Variants in TBC1D32 observed in about 807,000 individuals in gnomAD.
TBC1D32 encodes the protein TBC1 domain family member 32.
TBC1D32 carries 151 observed loss-of-function variants against 170.3 expected under a neutral mutation model. The ratio of observed to expected loss-of-function variants is 0.89; its 90% confidence interval spans 0.78 to 1.01. The LOEUF is 1.01. TBC1D32 is among the 50% of genes least tolerant of loss of function. TBC1D32 has a pLI of 0.00. For missense variants in TBC1D32, 1,464 were observed against 1,457.1 expected (o/e 1.00, Z -0.08); for synonymous variants, 498 against 488.0 (o/e 1.02, Z -0.27).
chr6:121,331,809 T>C (rs771159014), intron 1 of TBC1D32, among the ~76,000 whole-genome samples: 4 of 152,148 alleles, frequency 2.6e-5, no homozygotes, highest in Non-Finnish European at 5.9e-5. Context: ...GTTAAGCAGC[T>C]CCTCTTTTCC....
chr6:121,114,616 T>C (rs577864195), intron 27 of TBC1D32, among the ~76,000 whole-genome samples: 1 of 152,158 alleles, frequency 6.6e-6, no homozygotes, highest in Admixed American at 6.5e-5. Context: ...TTTTTAAAAT[T>C]TGATTCTGAA....
intron 1 of TBC1D32, among the ~76,000 whole-genome samples, chr6:121,330,471 CAT>C (rs1285349673): frequency 6.6e-6 from 1 of 152,184 alleles, no homozygotes; most frequent in Non-Finnish European, 1.5e-5. Context: ...GTATCAAAAA[CAT>C]ATCAAGTGAG....
chr6:121,115,042 T>C (rs1779556186), intron 27 of TBC1D32, 130 bp downstream of exon 27: 12 of 581,242 alleles, frequency 2.1e-5, no homozygotes, highest in Non-Finnish European at 3.0e-5. Context: ...AAAGTCATTT[T>C]CCGAATGATA....
At chr6:121,115,117 G>C in intron 27 of TBC1D32, 55 bp downstream of exon 27, 1 of 1,375,924 alleles carries the variant, frequency 7.3e-7, no homozygotes, top group Non-Finnish European at 1.0e-6. Flanking sequence ...GCACATATGA[G>C]GCAGATAAAA....
At chr6:121,168,750 C>T (rs117195784) in intron 22 of TBC1D32, among the ~76,000 whole-genome samples, 3,216 of 107,836 alleles carry the variant, frequency 0.03, 133 homozygotes, top group East Asian at 0.17. Context: ...ATGCAAAAAT[C>T]GCTTGCATTC....
At chr6:121,089,484 C>T (rs897715708) in intron 31 of TBC1D32, among the ~76,000 whole-genome samples, 10 of 152,158 alleles carry the variant, frequency 6.6e-5, no homozygotes, top group African/African-American at 2.4e-4. Flanking sequence ...AATGAACCTA[C>T]ATTTTGTATT....
At chr6:121,179,950 G>A (rs1562792650) in intron 22 of TBC1D32, among the ~76,000 whole-genome samples, 1 of 152,058 alleles carries the variant, frequency 6.6e-6, no homozygotes, top group Admixed American at 6.6e-5. Context: ...CAGTGTCCAT[G>A]CTCTTAACTG....
chr6:121,251,047 G>C (rs56927912), intron 17 of TBC1D32, among the ~76,000 whole-genome samples: 16,120 of 152,010 alleles, frequency 0.11, 1,588 homozygotes, highest in African/African-American at 0.26. Flanking sequence ...TCTTCAGGGA[G>C]AGCTACAAAC....
intron 15 of TBC1D32, among the ~76,000 whole-genome samples, chr6:121,277,262 T>C (rs1802335891): frequency 6.6e-6 from 1 of 151,594 alleles, no homozygotes; most frequent in Admixed American, 6.6e-5. Context: ...CCAAGGCAGG[T>C]GAATCACTTG....
Position 121,079,830 on chromosome 6 carries a change from A to T in TBC1D32, c.*941T>A, listed in dbSNP as rs1211368756. Reference sequence around the variant, plus strand: ...TCACTAAGGAAAATGCATAACAAATAAGAGTAGAATGCTTATCAGTATGAA... The same window carrying T: ...TCACTAAGGAAAATGCATAACAAATTAGAGTAGAATGCTTATCAGTATGAA... On this transcript the variant is annotated 3_prime_UTR_variant, in exon 32 of 32. Transcript: ENST00000398212. 6.6e-6 allele frequency: 1 copy of T among 152,198 alleles called. No individual in the cohort carries two copies. The highest frequency in any genetic ancestry group is 1.5e-5 in the Non-Finnish European group (1 of 68,024). The allele number at this position is 152,198 out of a possible 1,614,324, so 9.4% of individuals were successfully genotyped here.
chr6:121,229,631 G>A (rs1204264259), intron 20 of TBC1D32, among the ~76,000 whole-genome samples: 1 of 152,052 alleles, frequency 6.6e-6, no homozygotes, highest in African/African-American at 2.4e-5. Context: ...ATGATGTTAA[G>A]GTGACTCAAT....
At chr6:121,242,402 ATGTCT>A (rs1797099525) in intron 17 of TBC1D32, 63 bp from the exon 18 acceptor site, 4 of 1,528,376 alleles carry the variant, frequency 2.6e-6, no homozygotes, top group Admixed American at 1.8e-5. Flanking sequence ...AACAAAGAGT[ATGTCT>A]TAGCTGAGCT....
chr6:121,084,654 T>A (rs1273642653), intron 31 of TBC1D32, among the ~76,000 whole-genome samples: 1 of 152,180 alleles, frequency 6.6e-6, no homozygotes. Flanking sequence ...AAGTTATTTG[T>A]ATCAGTTGAT....
chr6:121,257,589 G>A (rs528915723), intron 15 of TBC1D32, among the ~76,000 whole-genome samples: 1 of 152,074 alleles, frequency 6.6e-6, no homozygotes, highest in African/African-American at 2.4e-5. Flanking sequence ...TAAAGAAAAG[G>A]CTGGAAAAAA....
chr6:121,331,448 G>A (rs576912661), intron 1 of TBC1D32, among the ~76,000 whole-genome samples: 1 of 150,900 alleles, frequency 6.6e-6, no homozygotes, highest in Admixed American at 6.6e-5. Flanking sequence ...TTGAACTCCT[G>A]AACTCAAGTG....
intron 22 of TBC1D32, among the ~76,000 whole-genome samples, chr6:121,170,145 C>T (rs1179869656): frequency 1.3e-5 from 2 of 151,778 alleles, no homozygotes; most frequent in Middle Eastern, 3.4e-3. Context: ...TATATATACA[C>T]ACATACCACA....
intron 17 of TBC1D32, among the ~76,000 whole-genome samples, chr6:121,254,057 T>TAA (rs147123044): frequency 6.8e-6 from 1 of 146,912 alleles, no homozygotes; most frequent in African/African-American, 2.5e-5. Flanking sequence ...TACTCAGTCA[T>TAA]AAAAAAAAAA....
At chr6:121,178,397 T>C (rs1411855785) in intron 22 of TBC1D32, among the ~76,000 whole-genome samples, 2 of 152,122 alleles carry the variant, frequency 1.3e-5, no homozygotes, top group Non-Finnish European at 2.9e-5. Flanking sequence ...GATTACCTGA[T>C]TTGTATTTTA....
Position 121,131,643 on chromosome 6 carries a change from A to G in TBC1D32, c.2883T>C (p.Asp961=). 5 of 1,611,456 alleles carry G rather than the reference A, an allele frequency of 3.1e-6. No homozygotes were observed. The highest frequency in any genetic ancestry group is 4.2e-6 in the Non-Finnish European group (5 of 1,178,640). Residue 961 remains aspartate, a synonymous_variant, in exon 25 of 32, where the codon GAT becomes GAC. Coordinates refer to ENST00000398212, the MANE Select transcript of TBC1D32 (RefSeq NM_152730.6). Reference sequence around the variant, plus strand: ...TGTACTTACCCTCTCCACTGATTATATCAGGTTTGGCTTTCATCATTTTGC... The same window carrying G: ...TGTACTTACCCTCTCCACTGATTATGTCAGGTTTGGCTTTCATCATTTTGC... ...QFCKMMKAKP[D]IISGEALIEL... is the part of the protein sequence containing the mutation.
Sources: gnomAD v4.1 joint callset for allele counts (sites outside exome capture counted in the v4.1 genomes callset) on GRCh38, gnomAD v4.1.1 for gene constraint, MANE v1.5 for transcripts, NCBI Gene and HGNC (gene_info 2026-07-23, HGNC 2026-07-21) for gene names.